Variants in FAM24B observed in about 807,000 individuals in gnomAD.
The protein encoded by FAM24B is protein FAM24B.
Under a neutral mutation model 2.3 loss-of-function variants are expected in FAM24B, and 3 were observed. The ratio of observed to expected loss-of-function variants is 1.29; its 90% confidence interval spans 0.59 to 3.32. FAM24B has a LOEUF of 3.32. Among genes scored for constraint, FAM24B ranks in the 30% most tolerant of loss-of-function variants. FAM24B has a pLI of 0.03. For missense variants in FAM24B, 98 were observed against 117.2 expected, an observed-to-expected ratio of 0.84 and a Z score of 0.76; for synonymous variants, 36 against 46.3, an observed-to-expected ratio of 0.78 and a Z score of 0.90.
chr10:122,871,526 A>T (rs1321133467), intron 1 of FAM24B, among the ~76,000 whole-genome samples: 1 of 151,466 alleles, frequency 6.6e-6, no homozygotes, highest in Admixed American at 6.6e-5. Flanking sequence ...ACGCTACCTG[A>T]CTTCAAACTA....
At chr10:122,861,087 TA>T (rs1847719766) in intron 1 of FAM24B, among the ~76,000 whole-genome samples, 3 of 152,306 alleles carry the variant, frequency 2.0e-5, no homozygotes, top group Admixed American at 2.0e-4. Flanking sequence ...TTGTCATATC[TA>T]AAATGTCATT....
chr10:122,870,605 A>G (rs1490383206), intron 1 of FAM24B, among the ~76,000 whole-genome samples: 1 of 152,232 alleles, frequency 6.6e-6, no homozygotes, highest in Non-Finnish European at 1.5e-5. Context: ...AGTGGGCTTC[A>G]TCCCTGGGAT....
At chr10:122,877,575 A>G (rs1392698427) in intron 1 of FAM24B, among the ~76,000 whole-genome samples, 3 of 152,218 alleles carry the variant, frequency 2.0e-5, no homozygotes, top group African/African-American at 7.2e-5. Flanking sequence ...TAACCTTCTG[A>G]ATAATAACTG....
At chr10:122,865,550 T>C (rs139424353) in intron 1 of FAM24B, among the ~76,000 whole-genome samples, 2 of 152,332 alleles carry the variant, frequency 1.3e-5, no homozygotes, top group Admixed American at 1.3e-4. Context: ...GCATCTGTGT[T>C]CATGAGAGGT....
At chr10:122,849,500 G>T in intron 3 of FAM24B, 61 bp from the exon 4 acceptor site, 2 of 1,478,088 alleles carry the variant, frequency 1.4e-6, no homozygotes, top group South Asian at 1.3e-5. Flanking sequence ...CCTTTTGTTA[G>T]AACTGTTGGG....
At chr10:122,850,737 TAA>T (rs932061328) in intron 2 of FAM24B, 187 bp from the exon 3 acceptor site, 1 of 481,528 alleles carries the variant, frequency 2.1e-6, no homozygotes, top group African/African-American at 1.9e-5. Context: ...AAAAAAGAAA[TAA>T]AAAAAGTCAG....
At chr10:122,870,691 G>T (rs1847881855) in intron 1 of FAM24B, among the ~76,000 whole-genome samples, 1 of 152,116 alleles carries the variant, frequency 6.6e-6, no homozygotes, top group African/African-American at 2.4e-5. Flanking sequence ...AAAACCACAA[G>T]ATTATCTCAA....
At chr10:122,862,857 G>C (rs987806186) in intron 1 of FAM24B, among the ~76,000 whole-genome samples, 1 of 151,956 alleles carries the variant, frequency 6.6e-6, no homozygotes, top group South Asian at 2.1e-4. Flanking sequence ...ATGGTATTTA[G>C]CTAAATGACT....
chr10:122,850,572 A>T, intron 2 of FAM24B, 22 bp from the exon 3 acceptor site: 2 of 1,279,784 alleles, frequency 1.6e-6, no homozygotes, highest in Non-Finnish European at 2.3e-6. Flanking sequence ...AGTGCAAGCA[A>T]GCACTGAGCC....
At chr10:122,851,679 T>C (rs1334404196) in intron 2 of FAM24B, among the ~76,000 whole-genome samples, 1 of 152,248 alleles carries the variant, frequency 6.6e-6, no homozygotes, top group Non-Finnish European at 1.5e-5. Flanking sequence ...CTATGTTATA[T>C]TATTTTAAAT....
intron 1 of FAM24B, among the ~76,000 whole-genome samples, chr10:122,879,195 G>C (rs929225101): frequency 6.6e-6 from 1 of 152,214 alleles, no homozygotes; most frequent in Non-Finnish European, 1.5e-5. Flanking sequence ...TAGGATCAGG[G>C]AGCATCAAAT....
intron 2 of FAM24B, 178 bp downstream of exon 2, chr10:122,855,467 G>A (rs1163472675): frequency 6.6e-6 from 1 of 152,180 alleles, no homozygotes; most frequent in Non-Finnish European, 1.5e-5. Context: ...GTGCAGGCAC[G>A]ATGAGGAAGA....
chr10:122,850,549 A>T lies in FAM24B; in HGVS notation c.-34T>A, dbSNP rs749717237. 2 of 1,502,156 alleles carry T rather than the reference A, an allele frequency of 1.3e-6. No homozygotes were observed. The highest frequency in any genetic ancestry group is 1.9e-6 in the Non-Finnish European group (2 of 1,077,532). The allele number at this position is 1,502,156 out of a possible 1,614,324, so 93.1% of individuals were successfully genotyped here. Reference sequence around the variant, plus strand: ...TATGGAGGTCAAAAGACTTCGATGTACCTAGGCAGATAAGTGCAAGCAAGC... The same window carrying T: ...TATGGAGGTCAAAAGACTTCGATGTTCCTAGGCAGATAAGTGCAAGCAAGC... On this transcript the variant is annotated splice_region_variant and 5_prime_UTR_variant, in exon 3 of 4. Coordinates refer to ENST00000368898, the MANE Select transcript of FAM24B (RefSeq NM_152644.3).
At chr10:122,856,026 G>GT in intron 1 of FAM24B, among the ~76,000 whole-genome samples, 1 of 152,176 alleles carries the variant, frequency 6.6e-6, no homozygotes, top group East Asian at 1.9e-4. Context: ...AAAACAGAAG[G>GT]TAAAAAAGCC....
chr10:122,856,852 T>C (rs1847648229), intron 1 of FAM24B, among the ~76,000 whole-genome samples: 1 of 152,172 alleles, frequency 6.6e-6, no homozygotes, highest in Admixed American at 6.5e-5. Context: ...TTACTGCTGC[T>C]TCCCTCAGCC....
intron 1 of FAM24B, among the ~76,000 whole-genome samples, chr10:122,872,616 A>G (rs1021062398): frequency 6.6e-6 from 1 of 152,154 alleles, no homozygotes; most frequent in Non-Finnish European, 1.5e-5. Flanking sequence ...ATAAAAAATG[A>G]TGAGTTCATG....
intron 1 of FAM24B, among the ~76,000 whole-genome samples, chr10:122,857,069 C>T (rs1046368803): frequency 6.6e-6 from 1 of 152,166 alleles, no homozygotes; most frequent in African/African-American, 2.4e-5. Flanking sequence ...TCCTACAGGC[C>T]ACCCACTCAC....
At chr10:122,868,561 C>G (rs2133837483) in intron 1 of FAM24B, among the ~76,000 whole-genome samples, 1 of 152,180 alleles carries the variant, frequency 6.6e-6, no homozygotes, top group East Asian at 1.9e-4. Flanking sequence ...CAAAGGGAAG[C>G]CCATCAGACT....
At chr10:122,858,864 C>CT (rs1485949358) in intron 1 of FAM24B, among the ~76,000 whole-genome samples, 2 of 152,240 alleles carry the variant, frequency 1.3e-5, no homozygotes, top group Non-Finnish European at 2.9e-5. Flanking sequence ...CCCACCCTCC[C>CT]TGGCAGTTAT....
Sources: allele counts gnomAD v4.1 joint callset (sites outside exome capture counted in the v4.1 genomes callset), GRCh38; gene constraint gnomAD v4.1.1; transcripts MANE v1.5; gene names NCBI Gene and HGNC (gene_info 2026-07-23, HGNC 2026-07-21).